GNG7: variants seen among roughly 807,000 people sequenced by gnomAD.
GNG7 encodes the protein G protein subunit gamma 7.
Under a neutral mutation model 4.0 loss-of-function variants are expected in GNG7, and 1 was observed. The observed-to-expected ratio is 0.25, with a 90% CI of 0.09 to 1.18. The LOEUF is 1.18. Among genes scored for constraint, GNG7 ranks in the 50% most tolerant of loss-of-function variants. The pLI is 0.50. For missense variants in GNG7, 86 were observed against 91.9 expected, an observed-to-expected ratio of 0.94 and a Z score of 0.26; for synonymous variants, 34 against 36.9, an observed-to-expected ratio of 0.92 and a Z score of 0.29.
At chr19:2,590,577 T>TCATC (rs1980813954) in intron 2 of GNG7, among the ~76,000 whole-genome samples, 1 of 83,476 alleles carries the variant, frequency 1.2e-5, no homozygotes, top group Non-Finnish European at 2.4e-5. Flanking sequence ...ATTCACCCAT[T>TCATC]CATCCATCCA....
At chr19:2,518,541 C>T (rs1205095583) in intron 4 of GNG7, among the ~76,000 whole-genome samples, 1 of 152,146 alleles carries the variant, frequency 6.6e-6, no homozygotes, top group African/African-American at 2.4e-5. Flanking sequence ...CTCAGAGCTG[C>T]GCTGGAGGGA....
chr19:2,697,384 A>G (rs1913292497), intron 1 of GNG7, among the ~76,000 whole-genome samples: 1 of 152,020 alleles, frequency 6.6e-6, no homozygotes, highest in Non-Finnish European at 1.5e-5. Flanking sequence ...TGGCCCACTC[A>G]CGCCGCAGGA....
At position 2,512,068 on chromosome 19, in the gene GNG7, G is replaced by A. The variant is rs1402820231; in HGVS notation, c.*2954C>T. Reference sequence around the variant, plus strand: ...AGAAACGGCCTTCTCTCTCCCACCCGACGCTGCCTTGTGTGTGTGCGTGGG... The same window carrying A: ...AGAAACGGCCTTCTCTCTCCCACCCAACGCTGCCTTGTGTGTGTGCGTGGG... On this transcript the variant is annotated 3_prime_UTR_variant, in exon 5 of 5. Coordinates refer to ENST00000382159, the MANE Select transcript of GNG7 (RefSeq NM_052847.3). The surrounding 1 kb of genome is among the most constrained non-coding windows in gnomAD (Gnocchi z 4.7). The A allele has an allele frequency of 4.1e-5, 40 of 985,906 alleles. No homozygotes were observed. The highest frequency in any genetic ancestry group is 4.7e-5 in the South Asian group (1 of 21,288). 61.1% of individuals were successfully genotyped at this position (985,906 alleles called of 1,614,324 possible).
intron 2 of GNG7, among the ~76,000 whole-genome samples, chr19:2,562,056 T>C (rs1316728695): frequency 6.6e-6 from 1 of 151,862 alleles, no homozygotes; most frequent in Admixed American, 6.6e-5. Context: ...CCTCCGACAT[T>C]TCTCTGAGAA....
intron 2 of GNG7, among the ~76,000 whole-genome samples, chr19:2,574,053 C>A (rs549571673): frequency 1.9e-4 from 29 of 152,244 alleles, no homozygotes; most frequent in Middle Eastern, 3.4e-3. Context: ...ATGCTGCCTT[C>A]TCACCTTGGG....
At chr19:2,643,178 G>A (rs76446395) in intron 2 of GNG7, 1 of 422,280 alleles carries the variant, frequency 2.4e-6, no homozygotes, top group Non-Finnish European at 4.6e-6. Flanking sequence ...ATGCAAAGTC[G>A]GAGACCTCTC....
At chr19:2,664,404 C>T (rs557703494) in intron 1 of GNG7, among the ~76,000 whole-genome samples, 6 of 152,260 alleles carry the variant, frequency 3.9e-5, no homozygotes, top group East Asian at 3.9e-4. Flanking sequence ...GGGGAGGTGC[C>T]GGGACTGGGG....
At chr19:2,659,001 G>T (rs1407759591) in intron 1 of GNG7, among the ~76,000 whole-genome samples, 1 of 148,414 alleles carries the variant, frequency 6.7e-6, no homozygotes, top group African/African-American at 2.5e-5. Flanking sequence ...ATGGAGTCTC[G>T]CTCTGTCACC....
chr19:2,617,728 T>C lies in GNG7; in HGVS notation c.-78+28496A>G, dbSNP rs60080029. ...ATTTTGTCTTTTCCTTTTTATTTTTTTTTTTTTTGAGATAGGGTCTTGCTC... is the reference window on the plus strand; with the variant it reads ...ATTTTGTCTTTTCCTTTTTATTTTTCTTTTTTTTGAGATAGGGTCTTGCTC... On this transcript the variant is annotated intron_variant, in intron 2 of 4. Coordinates refer to ENST00000382159, the MANE Select transcript of GNG7 (RefSeq NM_052847.3). This position sits in a 1 kb window ranked among gnomAD's most constrained non-coding sequence, Gnocchi z 4.7. Among the ~76,000 whole-genome samples the C allele has an allele frequency of 6.6e-6, 1 of 151,876 alleles. No homozygotes were observed. The highest frequency in any genetic ancestry group is 2.1e-4 in the South Asian group (1 of 4,798).
At chr19:2,631,844 A>G (rs2144843079) in intron 2 of GNG7, 1 of 152,358 alleles carries the variant, frequency 6.6e-6, no homozygotes, top group South Asian at 2.1e-4. Flanking sequence ...CGGCTTTAGC[A>G]GTTTTTTCCT....
Position 2,614,146 on chromosome 19 carries a change from C to G in GNG7, c.-78+32078G>C, listed in dbSNP as rs1450854572. ...ACCACCCGGTGAACGGCACTGGGAG[C>G]AGACTCAAGAGGCTCGAGAGGTCCC... On this transcript the variant is annotated intron_variant, in intron 2 of 4. Transcript: ENST00000382159. The surrounding 1 kb of genome is among the most constrained non-coding windows in gnomAD (Gnocchi z 6.0). Among the ~76,000 whole-genome samples, 1 of 152,182 alleles carries G rather than the reference C, an allele frequency of 6.6e-6. No homozygotes were observed. The highest frequency in any genetic ancestry group is 2.4e-5 in the African/African-American group (1 of 41,450).
Position 2,547,074 on chromosome 19 carries a change from GC to G in GNG7, c.-38+8074del, listed in dbSNP as rs796758760. 3.4e-3 allele frequency among the ~76,000 whole-genome samples: 491 copies of G among 142,886 alleles called. 5 individuals are homozygous for G. The highest frequency in any genetic ancestry group is 7.5e-3 in the African/African-American group (284 of 37,926). 93.7% of individuals were successfully genotyped at this position (142,886 alleles called of 152,430 possible). On this transcript the variant is annotated intron_variant, in intron 3 of 4. Transcript: ENST00000382159. Reference sequence around the variant, plus strand: ...CACAGGTGGGTCTTTCTCCACGCATGCCCCCCCCCCAGAAAACTCCTACACA... The same window carrying G: ...CACAGGTGGGTCTTTCTCCACGCATGCCCCCCCCCAGAAAACTCCTACACA...
chr19:2,617,727 T>A lies in GNG7; in HGVS notation c.-78+28497A>T, dbSNP rs989524340. 3.8e-4 allele frequency among the ~76,000 whole-genome samples: 57 copies of A among 151,914 alleles called. No individual in the cohort carries two copies. Among genetic ancestry groups the A allele is most frequent in the Middle Eastern group, 3.4e-3 (1 of 292 alleles). On this transcript the variant is annotated intron_variant, in intron 2 of 4. Coordinates refer to ENST00000382159, the MANE Select transcript of GNG7 (RefSeq NM_052847.3). The surrounding 1 kb of genome is among the most constrained non-coding windows in gnomAD (Gnocchi z 4.7). Reference sequence around the variant, plus strand: ...TATTTTGTCTTTTCCTTTTTATTTTTTTTTTTTTTGAGATAGGGTCTTGCT... The same window carrying A: ...TATTTTGTCTTTTCCTTTTTATTTTATTTTTTTTTGAGATAGGGTCTTGCT...
At chr19:2,660,380 C>T (rs960582281) in intron 1 of GNG7, among the ~76,000 whole-genome samples, 8 of 152,282 alleles carry the variant, frequency 5.3e-5, no homozygotes, top group Middle Eastern at 3.4e-3. Flanking sequence ...ACCTTTTCAT[C>T]CTCCTGCTCC....
At chr19:2,522,511 A>T (rs1235623596) in intron 3 of GNG7, among the ~76,000 whole-genome samples, 1 of 151,962 alleles carries the variant, frequency 6.6e-6, no homozygotes, top group African/African-American at 2.4e-5. Flanking sequence ...GCGGTGGCTC[A>T]CGCCTGTAAT....
chr19:2,659,737 A>C (rs1211467078), intron 1 of GNG7, among the ~76,000 whole-genome samples: 2 of 114,240 alleles, frequency 1.8e-5, no homozygotes, highest in African/African-American at 6.7e-5. Context: ...AATGAGTGTG[A>C]GCGAGGGAGG....
At chr19:2,515,990 G>T (rs901955933) in intron 4 of GNG7, among the ~76,000 whole-genome samples, 3 of 151,836 alleles carry the variant, frequency 2.0e-5, no homozygotes, top group African/African-American at 7.3e-5. Context: ...GGAGGCGGGA[G>T]GATCACTTGA....
chr19:2,658,320 A>G (rs551274615), intron 1 of GNG7, among the ~76,000 whole-genome samples: 29 of 152,288 alleles, frequency 1.9e-4, no homozygotes, highest in African/African-American at 6.5e-4. Context: ...TCTGTGAGCT[A>G]AAGGGTCACT....
intron 1 of GNG7, among the ~76,000 whole-genome samples, chr19:2,662,086 C>T (rs1177856002): frequency 6.6e-6 from 1 of 151,934 alleles, no homozygotes; most frequent in Non-Finnish European, 1.5e-5. Context: ...ACGGTGAAAC[C>T]CTGTCTCTAC....
Sources: allele counts gnomAD v4.1 joint callset (sites outside exome capture counted in the v4.1 genomes callset), GRCh38; gene constraint gnomAD v4.1.1; non-coding constraint Gnocchi (gnomAD v3.1); transcripts MANE v1.5; gene names NCBI Gene and HGNC (gene_info 2026-07-23, HGNC 2026-07-21).